The following TG variants were observed in gnomAD, a reference collection of about 807,000 sequenced individuals.
TG encodes thyroid hormones.
Under a neutral mutation model 324.7 loss-of-function variants are expected in TG, and 270 were observed. The ratio of observed to expected loss-of-function variants is 0.83; its 90% CI spans 0.75 to 0.92. The LOEUF (loss-of-function observed/expected upper bound fraction) is 0.92, where lower values mean the gene tolerates loss of function less well. TG is among the 40% of genes least tolerant of loss of function. The pLI is 0.00. For missense variants in TG, 3,591 were observed against 3,456.4 expected (o/e 1.04, Z -0.98); for synonymous variants, 1,401 against 1,327.0 (o/e 1.06, Z -1.21).
intron 1 of TG, 29 bp downstream of exon 1, chr8:132,867,096 G>A (rs1210309249): frequency 6.3e-7 from 1 of 1,577,684 alleles, no homozygotes. Flanking sequence ...GAGCCAGGCG[G>A]TGGGGAGGGA....
intron 41 of TG, among the ~76,000 whole-genome samples, chr8:133,040,512 G>A (rs573147839): frequency 3.2e-4 from 48 of 152,310 alleles, no homozygotes; most frequent in Non-Finnish European, 5.9e-4. Context: ...TGCAGAAGCC[G>A]CAGCCTTCCA....
intron 35 of TG, among the ~76,000 whole-genome samples, chr8:132,988,513 G>A (rs919236421): frequency 6.6e-6 from 1 of 152,174 alleles, no homozygotes; most frequent in African/African-American, 2.4e-5. Context: ...TTAAAACTAT[G>A]TAAAAGCTTT....
chr8:133,122,587 A>T (rs180923487), intron 45 of TG, among the ~76,000 whole-genome samples: 20 of 152,248 alleles, frequency 1.3e-4, no homozygotes, highest in Admixed American at 3.3e-4. Context: ...TGGGCAAGTC[A>T]CTTAACCTCT....
At chr8:133,027,330 A>G (rs756291510) in intron 40 of TG, among the ~76,000 whole-genome samples, 8 of 152,240 alleles carry the variant, frequency 5.3e-5, no homozygotes, top group African/African-American at 1.9e-4. Context: ...GTGTTAGTGC[A>G]GGCCTGGAGG....
At chr8:132,921,494 G>A (rs746941949) in intron 21 of TG, among the ~76,000 whole-genome samples, 4 of 152,166 alleles carry the variant, frequency 2.6e-5, no homozygotes, top group African/African-American at 4.8e-5. Flanking sequence ...AACCCGCATT[G>A]AATTACCAGG....
At chr8:133,040,158 G>A (rs762738225) in intron 41 of TG, 8 of 1,567,496 alleles carry the variant, frequency 5.1e-6, no homozygotes, top group Middle Eastern at 1.7e-4. Flanking sequence ...CAGCCGGTCA[G>A]GGACCCTGGG....
chr8:132,888,838 T>C (rs987024934), intron 10 of TG, among the ~76,000 whole-genome samples: 4 of 152,232 alleles, frequency 2.6e-5, no homozygotes, highest in Admixed American at 2.6e-4. Context: ...TTTTACTGGA[T>C]GTCTTCTGTG....
At chr8:133,112,431 A>T (rs2979039) in intron 43 of TG, among the ~76,000 whole-genome samples, 33,518 of 152,138 alleles carry the variant, frequency 0.22, 4,209 homozygotes, top group South Asian at 0.31. Context: ...TTCAGAAAGG[A>T]GGAAACTGGG....
intron 32 of TG, among the ~76,000 whole-genome samples, chr8:132,969,855 A>G (rs992980038): frequency 7.6e-5 from 11 of 144,932 alleles, no homozygotes; most frequent in African/African-American, 2.8e-4. Flanking sequence ...TGGAGGTTGC[A>G]GTGAGCTGAG....
At chr8:132,918,107 C>T (rs1214309485) in intron 20 of TG, among the ~76,000 whole-genome samples, 1 of 152,006 alleles carries the variant, frequency 6.6e-6, no homozygotes, top group Non-Finnish European at 1.5e-5. Context: ...GACTTAGAAA[C>T]GTGCTCTTTT....
intron 38 of TG, 21 bp downstream of exon 38, chr8:133,018,018 A>G: frequency 6.2e-7 from 1 of 1,608,734 alleles, no homozygotes. Flanking sequence ...AGTGGAGCAC[A>G]TCTTGGTAAA....
chr8:133,032,826 G>C (rs1369385352), intron 41 of TG, among the ~76,000 whole-genome samples: 3 of 152,172 alleles, frequency 2.0e-5, no homozygotes, highest in Admixed American at 2.0e-4. Context: ...CAGCACATTT[G>C]AGACCACAAA....
chr8:133,116,757 G>T, intron 45 of TG, 41 bp downstream of exon 45: 1 of 1,543,558 alleles, frequency 6.5e-7, no homozygotes, highest in South Asian at 1.1e-5. Flanking sequence ...AGGTAAAACC[G>T]AATGATAAGT....
chr8:132,882,979 A>C lies in TG; in HGVS notation c.1055A>C (p.Gln352Pro), dbSNP rs527800188. 1.2e-5 allele frequency: 19 copies of C among 1,613,990 alleles called. No individual in the cohort carries two copies. The South Asian group carries it at 1.6e-4, about 14-fold the overall frequency. ...AAGGAAATGCATGGAACCCGGCAGCAAGGGGAGCCGCCATCTTGTGGTGGG... is the reference window on the plus strand; with the variant it reads ...AAGGAAATGCATGGAACCCGGCAGCCAGGGGAGCCGCCATCTTGTGGTGGG... ...QGKEMHGTRQ[Q>P]GEPPSCAEGQ... Residue 352 changes from glutamine (Q) to proline (P), a missense_variant, in exon 8 of 48, where the codon CAA (glutamine) becomes CCA (proline). Coordinates refer to ENST00000220616, the MANE Select transcript of TG (RefSeq NM_003235.5).
intron 43 of TG, among the ~76,000 whole-genome samples, chr8:133,098,310 C>G (rs1848739118): frequency 6.6e-6 from 1 of 152,078 alleles, no homozygotes; most frequent in African/African-American, 2.4e-5. Context: ...TGTACTAATA[C>G]CCTGAATTAT....
intron 45 of TG, among the ~76,000 whole-genome samples, chr8:133,128,476 T>G (rs901258687): frequency 6.6e-6 from 1 of 151,974 alleles, no homozygotes; most frequent in Non-Finnish European, 1.5e-5. Context: ...CTTCCTTGAG[T>G]GGCAACTTAC....
intron 45 of TG, among the ~76,000 whole-genome samples, chr8:133,128,356 C>CACAT (rs1851694444): frequency 6.6e-6 from 1 of 150,926 alleles, no homozygotes; most frequent in Non-Finnish European, 1.5e-5. Context: ...CACACACACA[C>CACAT]ACACACACAC....
At chr8:133,013,791 C>G (rs1331714049) in intron 37 of TG, 27 bp downstream of exon 37, 1 of 1,602,370 alleles carries the variant, frequency 6.2e-7, no homozygotes, top group African/African-American at 1.3e-5. Flanking sequence ...GCCTTTGCAG[C>G]CATCCTGGGA....
intron 43 of TG, among the ~76,000 whole-genome samples, chr8:133,108,716 A>G (rs937213559): frequency 6.6e-6 from 1 of 152,216 alleles, no homozygotes; most frequent in Admixed American, 6.5e-5. Context: ...TTATCTCTAC[A>G]GAGGTCGTTC....
Sources: allele counts gnomAD v4.1 joint callset (sites outside exome capture counted in the v4.1 genomes callset), GRCh38; gene constraint gnomAD v4.1.1; transcripts MANE v1.5; gene names NCBI Gene and HGNC (gene_info 2026-07-23, HGNC 2026-07-21).